The following MARCHF10 variants were observed in gnomAD, a reference collection of about 807,000 sequenced individuals.
MARCHF10 encodes membrane associated ring-CH-type finger 10.
Under a neutral mutation model 76.2 loss-of-function variants are expected in MARCHF10, and 64 were observed. That is an observed-to-expected ratio of 0.84 (90% CI 0.69 to 1.03). The LOEUF is 1.03. Among genes scored for constraint, MARCHF10 ranks in the 50% least tolerant of loss-of-function variants. The probability of loss-of-function intolerance (pLI) is 0.00; values close to 1 mark genes in which losing one functional copy is unlikely to be tolerated. For synonymous variants in MARCHF10, 340 were observed against 357.5 expected (o/e 0.95, Z 0.55); for missense variants, 875 against 958.0 (o/e 0.91, Z 1.14).
chr17:62,725,100 G>A lies in MARCHF10; in HGVS notation c.1942C>T (p.Leu648=), dbSNP rs1192532571. 6.3e-7 allele frequency: 1 copy of A among 1,587,790 alleles called. No homozygotes were observed. Among genetic ancestry groups the A allele is most frequent in the Non-Finnish European group, 8.5e-7 (1 of 1,171,496 alleles). The change falls in exon 7 of 11, where the codon CTG becomes TTG. Residue 648 remains leucine (L), a synonymous_variant. Transcript: ENST00000311269. ...CCCTCCTCCTCGGAGTCCTCCTCCA[G>A]GAGACTAAATGTGAAAACAAGCCCT... ...EKLKKLQESL[L]EEDSEEEGDL... is the part of the protein sequence containing the mutation.
intron 2 of MARCHF10, among the ~76,000 whole-genome samples, chr17:62,790,136 T>C (rs1035220281): frequency 2.6e-5 from 4 of 152,260 alleles, no homozygotes; most frequent in Admixed American, 6.5e-5. Flanking sequence ...TCATGTACTA[T>C]GGAAATTTCA....
chr17:62,741,272 A>C (rs370156726), intron 5 of MARCHF10, among the ~76,000 whole-genome samples: 1 of 152,228 alleles, frequency 6.6e-6, no homozygotes, highest in African/African-American at 2.4e-5. Context: ...GTCAGCGATT[A>C]CAATGTGATA....
At chr17:62,792,773 T>C (rs1027808401) in intron 2 of MARCHF10, among the ~76,000 whole-genome samples, 399 of 31,316 alleles carry the variant, frequency 0.013, 2 homozygotes, top group Middle Eastern at 0.021. Flanking sequence ...CCTCCATCAC[T>C]ACCACCACCA....
At chr17:62,794,120 A>C (rs2092943734) in intron 2 of MARCHF10, among the ~76,000 whole-genome samples, 1 of 116,538 alleles carries the variant, frequency 8.6e-6, no homozygotes, top group Admixed American at 8.7e-5. Context: ...CACCACCACC[A>C]CCTCCATCAC....
chr17:62,775,806 G>A (rs1168558043), intron 3 of MARCHF10, among the ~76,000 whole-genome samples: 1 of 138,656 alleles, frequency 7.2e-6, no homozygotes, highest in African/African-American at 2.5e-5. Context: ...GAATTTTAAC[G>A]TCTTTTCAAT....
chr17:62,756,848 A>G (rs1250866331), intron 4 of MARCHF10, among the ~76,000 whole-genome samples: 2 of 152,218 alleles, frequency 1.3e-5, no homozygotes, highest in Non-Finnish European at 2.9e-5. Context: ...CACTGCATGG[A>G]GAGATATAAC....
chr17:62,742,700 T>G (rs1203920482), intron 5 of MARCHF10, among the ~76,000 whole-genome samples: 1 of 37,476 alleles, frequency 2.7e-5, no homozygotes, highest in Non-Finnish European at 8.5e-5. Flanking sequence ...CTTTTTTCTT[T>G]TTTCTTTTTT....
intron 4 of MARCHF10, among the ~76,000 whole-genome samples, chr17:62,755,723 T>C (rs1167274018): frequency 6.6e-6 from 1 of 152,206 alleles, no homozygotes; most frequent in Non-Finnish European, 1.5e-5. Context: ...TGGTGAATGC[T>C]GTCTGATTCT....
chr17:62,763,119 A>G (rs2092251278), intron 3 of MARCHF10, among the ~76,000 whole-genome samples: 1 of 152,228 alleles, frequency 6.6e-6, no homozygotes, highest in Non-Finnish European at 1.5e-5. Flanking sequence ...TAGCACTTAG[A>G]ACAGCACCAT....
At chr17:62,714,276 G>T in intron 8 of MARCHF10, 1 of 536,462 alleles carries the variant, frequency 1.9e-6, no homozygotes, top group Non-Finnish European at 2.4e-6. Flanking sequence ...GGCAGTGCAG[G>T]GCCACCGGAC....
chr17:62,794,609 A>G (rs1193341480), intron 2 of MARCHF10, among the ~76,000 whole-genome samples: 1 of 152,190 alleles, frequency 6.6e-6, no homozygotes, highest in Non-Finnish European at 1.5e-5. Flanking sequence ...GTTGTGCTCA[A>G]AGTTCCTTTT....
At chr17:62,744,166 C>T (rs1373506192) in intron 5 of MARCHF10, among the ~76,000 whole-genome samples, 2 of 152,178 alleles carry the variant, frequency 1.3e-5, no homozygotes, top group Non-Finnish European at 2.9e-5. Flanking sequence ...CCCCGCCTTC[C>T]CCTTTTCCCA....
intron 2 of MARCHF10, among the ~76,000 whole-genome samples, chr17:62,795,356 CAAAAAAAAAAAAAA>C (rs61564298): frequency 5.7e-5 from 3 of 52,936 alleles, no homozygotes; most frequent in Non-Finnish European, 1.0e-4. Context: ...ATCATTTGAT[CAAAAAAAAAAAAAA>C]AAAAAAAAAA....
At chr17:62,786,644 T>C (rs1242449279) in intron 3 of MARCHF10, among the ~76,000 whole-genome samples, 1 of 152,238 alleles carries the variant, frequency 6.6e-6, no homozygotes, top group Non-Finnish European at 1.5e-5. Flanking sequence ...TATACAACCA[T>C]GACCTTTTTC....
chr17:62,752,563 C>T (rs2091928082), intron 4 of MARCHF10, among the ~76,000 whole-genome samples: 1 of 152,158 alleles, frequency 6.6e-6, no homozygotes, highest in African/African-American at 2.4e-5. Context: ...ATCCCTACAT[C>T]CAAGTCACCA....
chr17:62,770,174 C>A (rs2092415647), intron 3 of MARCHF10, among the ~76,000 whole-genome samples: 1 of 152,184 alleles, frequency 6.6e-6, no homozygotes, highest in Non-Finnish European at 1.5e-5. Flanking sequence ...CCAGCTCCAT[C>A]CATATTGCTC....
At chr17:62,792,755 C>CACCACCACCTCCATCACT (rs2092877046) in intron 2 of MARCHF10, among the ~76,000 whole-genome samples, 1 of 141,674 alleles carries the variant, frequency 7.1e-6, no homozygotes, top group Admixed American at 7.1e-5. Context: ...CCTCCATCAC[C>CACCACCACCTCCATCACT]ACCACCACCT....
At chr17:62,776,642 G>T (rs2092559694) in intron 3 of MARCHF10, among the ~76,000 whole-genome samples, 1 of 152,210 alleles carries the variant, frequency 6.6e-6, no homozygotes, top group African/African-American at 2.4e-5. Context: ...TTGCACACCA[G>T]TATTCCAATT....
chr17:62,735,811 ACT>A, intron 6 of MARCHF10, 118 bp downstream of exon 6: 1 of 843,516 alleles, frequency 1.2e-6, no homozygotes, highest in Admixed American at 2.9e-5. Context: ...ATAAGCAACC[ACT>A]AAAATGTCAA....
Sources: allele counts gnomAD v4.1 joint callset (sites outside exome capture counted in the v4.1 genomes callset), GRCh38; gene constraint gnomAD v4.1.1; transcripts MANE v1.5; gene names NCBI Gene and HGNC (gene_info 2026-07-23, HGNC 2026-07-21).